RBBP8NL: variants seen among roughly 807,000 people sequenced by gnomAD.
RBBP8NL encodes RBBP8 N-terminal-like protein.
In RBBP8NL, 59 loss-of-function variants were observed where a neutral mutation model predicts 62.2. The ratio of observed to expected loss-of-function variants is 0.95; its 90% CI spans 0.77 to 1.18. The LOEUF is 1.18. Ranked by LOEUF, RBBP8NL falls within the 50% of genes most tolerant of loss-of-function variation. The pLI, the probability that RBBP8NL is intolerant of heterozygous loss-of-function variation, is 0.00. For missense variants in RBBP8NL, 896 were observed against 899.5 expected, an observed-to-expected ratio of 1.00 and a Z score of 0.05; for synonymous variants, 412 against 394.1, an observed-to-expected ratio of 1.05 and a Z score of -0.54.
intron 9 of RBBP8NL, among the ~76,000 whole-genome samples, 199 bp from the exon 10 acceptor site, chr20:62,414,755 G>A (rs1475394676): frequency 2.0e-5 from 3 of 152,234 alleles, no homozygotes; most frequent in Non-Finnish European, 4.4e-5. Flanking sequence ...AGGCCATGCT[G>A]TGTGGACCTG....
Position 62,415,905 on chromosome 20 carries a change from G to C in RBBP8NL, c.427C>G (p.Pro143Ala), listed in dbSNP as rs749566488. 8.2e-6 allele frequency: 13 copies of C among 1,584,510 alleles called. No individual in the cohort carries two copies. The highest frequency in any genetic ancestry group is 1.1e-5 in the Non-Finnish European group (13 of 1,167,556). Reference sequence around the variant, plus strand: ...GAGGGGAGCAGCAGGGGTGAGGGGGGGTCCGAGGTGCCCTCCTTGGCCCGG... The same window carrying C: ...GAGGGGAGCAGCAGGGGTGAGGGGGCGTCCGAGGTGCCCTCCTTGGCCCGG... Reference protein sequence around the residue: ...KPRAKEGTSDPPSPLLLPSPG... With the variant: ...KPRAKEGTSDAPSPLLLPSPG... The change falls in exon 7 of 14, where the codon CCC becomes GCC. Residue 143 changes from proline (P) to alanine (A), a missense_variant. Pro to Ala is a conservative substitution (Grantham distance 27). Transcript: ENST00000252998.
At chr20:62,421,910 CAT>C (rs1388784992) in intron 1 of RBBP8NL, among the ~76,000 whole-genome samples, 49 of 151,912 alleles carry the variant, frequency 3.2e-4, no homozygotes, top group Non-Finnish European at 2.4e-4. Context: ...AGCCAGTGTG[CAT>C]GTGTGTGTGC....
Position 62,414,460 on chromosome 20 carries a change from G to C in RBBP8NL, c.891C>G (p.Ser297=), listed in dbSNP as rs1474976165. The C allele has an allele frequency of 6.7e-7, 1 of 1,490,370 alleles. No homozygotes were observed. Among genetic ancestry groups the C allele is most frequent in the Non-Finnish European group, 9.0e-7 (1 of 1,116,610 alleles). 92.3% of individuals were successfully genotyped at this position (1,490,370 alleles called of 1,614,324 possible). The part of the protein sequence containing the change: ...DRLCLLNRPL[S]LHLQSPHSSP... ...TGCTGTGGGGGCTCTGAAGGTGCAG[G>C]GACAGGGGGCGGTTTAGGAGGCAGA... Residue 297 remains serine (S), a synonymous_variant, in exon 10 of 14, where the codon TCC becomes TCG. Transcript: ENST00000252998.
chr20:62,420,360 A>ACG (rs1569026750), intron 1 of RBBP8NL, among the ~76,000 whole-genome samples: 3 of 129,758 alleles, frequency 2.3e-5, no homozygotes, highest in African/African-American at 3.9e-5. Context: ...GCACACACAC[A>ACG]CACACACACA....
chr20:62,416,294 T>TGGGGTGGGGGG, intron 5 of RBBP8NL, 58 bp from the exon 6 acceptor site: 3 of 515,300 alleles, frequency 5.8e-6, no homozygotes, highest in Non-Finnish European at 7.6e-6. Flanking sequence ...GGGGCAGGGG[T>TGGGGTGGGGGG]GGGGTCGTCA....
At position 62,413,547 on chromosome 20, in the gene RBBP8NL, T is replaced by TG; in HGVS notation, c.1531-3dup. On this transcript the variant is annotated splice_region_variant and splice_polypyrimidine_tract_variant and intron_variant, in intron 10 of 13. Transcript: ENST00000252998. ...CCCTGGAAGTGGGCGTGAGGGGTCCTGGGGGGAGGCAAGTAGGTGGCTTGA... is the reference window on the plus strand; with the variant it reads ...CCCTGGAAGTGGGCGTGAGGGGTCCTGGGGGGGAGGCAAGTAGGTGGCTTGA... 1 of 1,521,420 alleles carries TG rather than the reference T, an allele frequency of 6.6e-7. No homozygotes were observed. The highest frequency in any genetic ancestry group is 8.8e-7 in the Non-Finnish European group (1 of 1,140,088). The allele number at this position is 1,521,420 out of a possible 1,614,324, so 94.2% of individuals were successfully genotyped here.
At chr20:62,416,936 CTCACTG>C (rs1988582507) in intron 4 of RBBP8NL, 64 bp from the exon 5 acceptor site, 1 of 1,243,594 alleles carries the variant, frequency 8.0e-7, no homozygotes. Context: ...GCCTGGGACA[CTCACTG>C]CCCCACTGCT....
intron 13 of RBBP8NL, 140 bp downstream of exon 13, chr20:62,412,484 A>G: frequency 8.9e-7 from 1 of 1,121,428 alleles, no homozygotes; most frequent in South Asian, 1.4e-5. Context: ...TCATTTGGGG[A>G]GGGTTGAGGT....
chr20:62,419,045 G>T (rs985426451), intron 2 of RBBP8NL, among the ~76,000 whole-genome samples: 1 of 152,054 alleles, frequency 6.6e-6, no homozygotes, highest in Non-Finnish European at 1.5e-5. Context: ...CCTGTCCCTC[G>T]TGGGGGAAGT....
chr20:62,414,323 A>T lies in RBBP8NL; in HGVS notation c.1028T>A (p.Leu343Gln). The T allele has an allele frequency of 1.9e-6, 3 of 1,560,880 alleles. No homozygotes were observed. Among genetic ancestry groups the T allele is most frequent in the Non-Finnish European group, 2.6e-6 (3 of 1,154,040 alleles). ...PTELLGLPSA[L>Q]AGMQDLRLEG... ...CAGGCGAAGGTCCTGCATGCCCGCC[A>T]GGGCACTGGGCAGCCCCAGCAGTTC... Residue 343 changes from leucine to glutamine, a missense_variant, in exon 10 of 14, where the codon CTG (leucine) becomes CAG (glutamine). Transcript: ENST00000252998.
At chr20:62,422,303 C>T (rs899094315) in intron 1 of RBBP8NL, among the ~76,000 whole-genome samples, 20 of 152,100 alleles carry the variant, frequency 1.3e-4, no homozygotes, top group East Asian at 3.9e-4. Flanking sequence ...CGAACAGGAC[C>T]GCCTAACCCC....
At chr20:62,422,085 T>C (rs1157050338) in intron 1 of RBBP8NL, among the ~76,000 whole-genome samples, 1 of 152,066 alleles carries the variant, frequency 6.6e-6, no homozygotes, top group East Asian at 1.9e-4. Flanking sequence ...CCTGGGAAGC[T>C]CTGGTCTCTG....
At chr20:62,414,708 G>T in intron 9 of RBBP8NL, 152 bp from the exon 10 acceptor site, 1 of 903,676 alleles carries the variant, frequency 1.1e-6, no homozygotes, top group Non-Finnish European at 1.5e-6. Context: ...CCCATGGCAG[G>T]TAGTGGAGGG....
chr20:62,415,689 C>A, intron 7 of RBBP8NL, 29 bp from the exon 8 acceptor site: 1 of 1,611,628 alleles, frequency 6.2e-7, no homozygotes, highest in Non-Finnish European at 8.5e-7. Context: ...GGGGCAAGAG[C>A]TTGGGAGGTG....
At chr20:62,411,985 C>A (rs149425995) in intron 13 of RBBP8NL, among the ~76,000 whole-genome samples, 1 of 152,372 alleles carries the variant, frequency 6.6e-6, no homozygotes, top group East Asian at 1.9e-4. Context: ...CTCTCATGGG[C>A]TCCTGGACCC....
chr20:62,426,053 C>T (rs1159904158), intron 1 of RBBP8NL, among the ~76,000 whole-genome samples: 2 of 150,298 alleles, frequency 1.3e-5, no homozygotes, highest in Admixed American at 1.3e-4. Flanking sequence ...GCAGTGGTAG[C>T]AGTAGCAGTG....
At chr20:62,417,770 AC>A (rs1202173701) in intron 3 of RBBP8NL, among the ~76,000 whole-genome samples, 4 of 16,486 alleles carry the variant, frequency 2.4e-4, no homozygotes, top group Non-Finnish European at 4.0e-4. Flanking sequence ...TCCACACACC[AC>A]CCCCCCGGTC....
intron 13 of RBBP8NL, among the ~76,000 whole-genome samples, chr20:62,412,174 CG>C (rs965246855): frequency 6.6e-6 from 1 of 152,220 alleles, no homozygotes; most frequent in African/African-American, 2.4e-5. Flanking sequence ...CCATGCCCCT[CG>C]GGGCTGTGCC....
chr20:62,421,854 T>C (rs1236135471), intron 1 of RBBP8NL, among the ~76,000 whole-genome samples: 1 of 150,506 alleles, frequency 6.6e-6, no homozygotes, highest in Non-Finnish European at 1.5e-5. Flanking sequence ...TGCATGTGTG[T>C]GTGCCATGTG....
Sources: gnomAD v4.1 joint callset for allele counts (sites outside exome capture counted in the v4.1 genomes callset) on GRCh38, gnomAD v4.1.1 for gene constraint, MANE v1.5 for transcripts, NCBI Gene and HGNC (gene_info 2026-07-23, HGNC 2026-07-21) for gene names.